RAD51B: variants seen among roughly 807,000 people sequenced by gnomAD.
The protein encoded by RAD51B is DNA repair protein RAD51 homolog 2.
In RAD51B, 38 loss-of-function variants were observed where a neutral mutation model predicts 42.2. The ratio of observed to expected loss-of-function variants is 0.90; its 90% confidence interval spans 0.70 to 1.18. The LOEUF (loss-of-function observed/expected upper bound fraction) is 1.18, where lower values mean the gene tolerates loss of function less well. Among genes scored for constraint, RAD51B ranks in the 50% most tolerant of loss-of-function variants. The pLI is 0.00. For missense variants in RAD51B, 373 were observed against 400.7 expected, an observed-to-expected ratio of 0.93 and a Z score of 0.59; for synonymous variants, 154 against 145.2, an observed-to-expected ratio of 1.06 and a Z score of -0.43.
chr14:68,148,439 T>TG (rs2078302457), intron 7 of RAD51B, among the ~76,000 whole-genome samples: 1 of 152,248 alleles, frequency 6.6e-6, no homozygotes, highest in Non-Finnish European at 1.5e-5. Flanking sequence ...TCACCAGCAA[T>TG]GAATGAGAGT....
At chr14:68,072,549 C>T (rs943916887) in intron 7 of RAD51B, among the ~76,000 whole-genome samples, 24 of 152,110 alleles carry the variant, frequency 1.6e-4, no homozygotes, top group Non-Finnish European at 3.2e-4. Flanking sequence ...AGTGGGTCTG[C>T]CTTCCCCAGC....
At chr14:68,612,732 C>A (rs1891723069), downstream of RAD51B, among the ~76,000 whole-genome samples, 1 of 151,780 alleles carries the variant, frequency 6.6e-6, no homozygotes, top group African/African-American at 2.4e-5. Context: ...GTACTTAACA[C>A]CCCTAAACAG....
chr14:68,648,774 G>C (rs1892639293), intron 10 of RAD51B, among the ~76,000 whole-genome samples: 2 of 151,582 alleles, frequency 1.3e-5, no homozygotes, highest in Non-Finnish European at 2.9e-5. Flanking sequence ...GCCTCCTTGG[G>C]ACTCAATTTC....
intron 7 of RAD51B, among the ~76,000 whole-genome samples, chr14:68,274,380 C>T (rs1242591361): frequency 1.3e-5 from 2 of 152,134 alleles, no homozygotes; most frequent in Non-Finnish European, 2.9e-5. Context: ...CTGGAACACA[C>T]ATTTCTCTAC....
intron 10 of RAD51B, among the ~76,000 whole-genome samples, chr14:68,489,180 T>G (rs2140277975): frequency 6.6e-6 from 1 of 152,214 alleles, no homozygotes; most frequent in African/African-American, 2.4e-5. Context: ...TATAAAATAT[T>G]GTATAAGCCA....
chr14:68,009,765 A>G (rs1328975117), intron 7 of RAD51B, among the ~76,000 whole-genome samples: 2 of 151,904 alleles, frequency 1.3e-5, no homozygotes, highest in Non-Finnish European at 2.9e-5. Context: ...TTTTCTTCAT[A>G]ATACTTTACT....
intron 7 of RAD51B, among the ~76,000 whole-genome samples, chr14:67,962,273 A>G (rs994350135): frequency 6.6e-6 from 1 of 152,216 alleles, no homozygotes; most frequent in Non-Finnish European, 1.5e-5. Flanking sequence ...CAACAAATCA[A>G]ACTAAAAAAG....
In RAD51B at chr14:68,679,817, A is replaced by G. The variant is rs371832307; in HGVS notation, c.*11+28961A>G. The stretch of plus-strand genomic sequence containing the variant: ...GCTGTACCTCAGGCCCCTGATTGCC[A>G]AGTTGTAGGTGTTCTATAACGTTCT... On this transcript the variant is annotated intron_variant, in intron 11 of 11. Transcript: ENST00000488612. 1.2e-4 allele frequency among the ~76,000 whole-genome samples: 19 copies of G among 152,324 alleles called. No individual in the cohort carries two copies. The East Asian group carries it at 3.3e-3, about 26-fold the overall frequency.
chr14:68,240,154 C>T (rs921217298), intron 7 of RAD51B, among the ~76,000 whole-genome samples: 4 of 152,166 alleles, frequency 2.6e-5, no homozygotes, highest in African/African-American at 9.7e-5. Flanking sequence ...ATAAAGACTG[C>T]CTTGGATCTC....
intron 10 of RAD51B, among the ~76,000 whole-genome samples, chr14:68,636,182 C>T (rs1297911782): frequency 6.6e-6 from 1 of 152,180 alleles, no homozygotes; most frequent in Non-Finnish European, 1.5e-5. Flanking sequence ...TAGACAGAGT[C>T]AGCTTTGGGT....
At chr14:68,295,237 A>C (rs1237221024) in intron 8 of RAD51B, among the ~76,000 whole-genome samples, 1 of 152,114 alleles carries the variant, frequency 6.6e-6, no homozygotes, top group Non-Finnish European at 1.5e-5. Flanking sequence ...GAGCTGGATA[A>C]CTCAACAGTG....
intron 10 of RAD51B, among the ~76,000 whole-genome samples, chr14:68,561,635 C>T (rs1889153704): frequency 1.3e-5 from 2 of 152,170 alleles, no homozygotes; most frequent in South Asian, 2.1e-4. Flanking sequence ...GGACCAGCAG[C>T]GTGAGGGTTC....
chr14:68,417,556 C>T (rs924925347), intron 9 of RAD51B, among the ~76,000 whole-genome samples: 1 of 152,126 alleles, frequency 6.6e-6, no homozygotes, highest in Non-Finnish European at 1.5e-5. Context: ...TTAAAAGAAT[C>T]CCTTTTTTCA....
chr14:68,211,386 G>T (rs927940931), intron 7 of RAD51B, among the ~76,000 whole-genome samples: 1 of 152,176 alleles, frequency 6.6e-6, no homozygotes, highest in Non-Finnish European at 1.5e-5. Flanking sequence ...AGAATGAAAA[G>T]AACATCTCAG....
At chr14:68,458,129 A>G (rs1365022919) in intron 9 of RAD51B, among the ~76,000 whole-genome samples, 1 of 152,184 alleles carries the variant, frequency 6.6e-6, no homozygotes, top group African/African-American at 2.4e-5. Context: ...ATAAATAGAT[A>G]TGTGCTAAAA....
chr14:68,677,711 G>T (rs1245416293), intron 11 of RAD51B, among the ~76,000 whole-genome samples: 1 of 152,186 alleles, frequency 6.6e-6, no homozygotes, highest in African/African-American at 2.4e-5. Context: ...GACACCATCC[G>T]TGTAGTAAGG....
chr14:68,483,660 G>A, intron 10 of RAD51B, among the ~76,000 whole-genome samples: 1 of 152,314 alleles, frequency 6.6e-6, no homozygotes, highest in East Asian at 1.9e-4. Flanking sequence ...TCAAAGCCCT[G>A]TGACTTTTCC....
At chr14:67,896,141 A>C (rs1275364059) in intron 7 of RAD51B, among the ~76,000 whole-genome samples, 1 of 152,210 alleles carries the variant, frequency 6.6e-6, no homozygotes, top group African/African-American at 2.4e-5. Flanking sequence ...ATAGTGTCAT[A>C]TATTGAGTAG....
chr14:68,572,671 G>A (rs1409407236), intron 10 of RAD51B, among the ~76,000 whole-genome samples: 2 of 151,994 alleles, frequency 1.3e-5, no homozygotes, highest in African/African-American at 2.4e-5. Flanking sequence ...CTCATCCCTG[G>A]CCTGTGACTT....
Sources: gnomAD v4.1 joint callset for allele counts (sites outside exome capture counted in the v4.1 genomes callset) on GRCh38, gnomAD v4.1.1 for gene constraint, MANE v1.5 for transcripts, NCBI Gene and HGNC (gene_info 2026-07-23, HGNC 2026-07-21) for gene names.